INSYN2B: variants seen among roughly 807,000 people sequenced by gnomAD.
The protein encoded by INSYN2B is protein INSYN2B.
Under a neutral mutation model 41.2 loss-of-function variants are expected in INSYN2B, and 16 were observed. The ratio of observed to expected loss-of-function variants is 0.39; its 90% confidence interval spans 0.26 to 0.59. INSYN2B has a LOEUF of 0.59. Among genes scored for constraint, INSYN2B ranks in the 20% least tolerant of loss-of-function variants. The pLI is 0.57. For synonymous variants in INSYN2B, 245 were observed against 244.4 expected, an observed-to-expected ratio of 1.00 and a Z score of -0.02; for missense variants, 608 against 646.4, an observed-to-expected ratio of 0.94 and a Z score of 0.64.
At position 169,945,271 on chromosome 5, in the gene INSYN2B, A is replaced by G. The variant is rs375159074; in HGVS notation, c.-919+35006T>C. On this transcript the variant is annotated intron_variant, in intron 1 of 3. Transcript: ENST00000377365. The stretch of plus-strand genomic sequence containing the variant: ...ATTCATACAACGGGTCAATAATACC[A>G]TACTAACGCCTTAGCAGGCATATAC... Among the ~76,000 whole-genome samples, 280 of 152,388 alleles carry G rather than the reference A, an allele frequency of 1.8e-3. 6 individuals carry two copies. The South Asian group carries it at 0.048, about 26-fold the overall frequency.
At chr5:169,958,527 C>T (rs549956896) in intron 1 of INSYN2B, among the ~76,000 whole-genome samples, 36 of 151,990 alleles carry the variant, frequency 2.4e-4, no homozygotes, top group Non-Finnish European at 3.2e-4. Flanking sequence ...AGCCCAGCCC[C>T]CTTTCCGTCT....
chr5:169,937,201 T>C (rs987868124), intron 1 of INSYN2B, among the ~76,000 whole-genome samples: 3 of 152,182 alleles, frequency 2.0e-5, no homozygotes, highest in African/African-American at 7.2e-5. Flanking sequence ...CCATCAAAAA[T>C]TTGAGGAGTT....
chr5:169,971,233 A>G (rs1777495251), intron 1 of INSYN2B, among the ~76,000 whole-genome samples: 1 of 152,094 alleles, frequency 6.6e-6, no homozygotes, highest in South Asian at 2.1e-4. Flanking sequence ...TTGCAAACCA[A>G]TGAATCAATG....
At chr5:169,918,807 G>A (rs1775019291) in intron 1 of INSYN2B, among the ~76,000 whole-genome samples, 1 of 152,154 alleles carries the variant, frequency 6.6e-6, no homozygotes, top group Admixed American at 6.5e-5. Context: ...CAGCTACTCG[G>A]GAGGCTGAGG....
intron 1 of INSYN2B, among the ~76,000 whole-genome samples, chr5:169,970,955 C>G (rs1310346169): frequency 1.3e-5 from 2 of 151,866 alleles, no homozygotes; most frequent in East Asian, 1.9e-4. Context: ...GTTTTGCAGT[C>G]AGGGAGCCAT....
intron 1 of INSYN2B, among the ~76,000 whole-genome samples, chr5:169,914,355 C>T (rs1288871224): frequency 6.6e-6 from 1 of 152,160 alleles, no homozygotes; most frequent in African/African-American, 2.4e-5. Flanking sequence ...CTCACTGATT[C>T]CTTCATTCAG....
intron 1 of INSYN2B, among the ~76,000 whole-genome samples, chr5:169,934,338 A>T (rs1775889201): frequency 6.6e-6 from 1 of 152,162 alleles, no homozygotes; most frequent in Non-Finnish European, 1.5e-5. Context: ...GTACTTTGGT[A>T]GTTGTCCCCG....
chr5:169,970,506 A>C (rs1777464193), intron 1 of INSYN2B, among the ~76,000 whole-genome samples: 2 of 152,210 alleles, frequency 1.3e-5, no homozygotes, highest in Admixed American at 1.3e-4. Context: ...AGTCAACTCA[A>C]CACTGTGATC....
At chr5:169,919,411 C>T (rs1002946608) in intron 1 of INSYN2B, among the ~76,000 whole-genome samples, 3 of 152,186 alleles carry the variant, frequency 2.0e-5, no homozygotes, top group Admixed American at 6.5e-5. Flanking sequence ...TCACACTCAT[C>T]AAATTTTACT....
chr5:169,877,723 A>T (rs1372437462), intron 3 of INSYN2B, among the ~76,000 whole-genome samples: 3 of 152,228 alleles, frequency 2.0e-5, no homozygotes, highest in Non-Finnish European at 4.4e-5. Context: ...TGCCACAGAA[A>T]TAAAGTCCAT....
At chr5:169,873,302 AC>A (rs1772103598) in intron 3 of INSYN2B, among the ~76,000 whole-genome samples, 1 of 152,208 alleles carries the variant, frequency 6.6e-6, no homozygotes, top group Non-Finnish European at 1.5e-5. Flanking sequence ...GAGAAATTTT[AC>A]CTTTTACATT....
chr5:169,923,333 A>C (rs1775275643), intron 1 of INSYN2B, among the ~76,000 whole-genome samples: 1 of 152,164 alleles, frequency 6.6e-6, no homozygotes, highest in Non-Finnish European at 1.5e-5. Context: ...AATTTCCTAC[A>C]ATATTTATGT....
chr5:169,952,730 C>G (rs1776709969), intron 1 of INSYN2B, among the ~76,000 whole-genome samples: 1 of 152,168 alleles, frequency 6.6e-6, no homozygotes, highest in Non-Finnish European at 1.5e-5. Flanking sequence ...GGAGACATCT[C>G]AGGTAGGGGT....
At chr5:169,961,162 G>T (rs774454121) in intron 1 of INSYN2B, among the ~76,000 whole-genome samples, 11 of 152,178 alleles carry the variant, frequency 7.2e-5, no homozygotes, top group Non-Finnish European at 1.5e-4. Context: ...TCCTACAATT[G>T]TCATTGGCCA....
At position 169,863,874 on chromosome 5, in the gene INSYN2B, C is replaced by T. The variant is rs72842503; in HGVS notation, c.*399G>A. Among the ~76,000 whole-genome samples the T allele has an allele frequency of 0.012, 1,893 of 152,250 alleles. 19 individuals carry two copies. The highest frequency in any genetic ancestry group is 0.019 in the Non-Finnish European group (1,281 of 68,020). On this transcript the variant is annotated 3_prime_UTR_variant, in exon 4 of 4. Transcript: ENST00000377365. ...AACCTCCCTCTACCTTCCGGGTCTG[C>T]ACAACACTATTTTTTTCTTTTGGGT...
chr5:169,903,425 T>C (rs1353323808), intron 1 of INSYN2B, among the ~76,000 whole-genome samples: 3 of 148,616 alleles, frequency 2.0e-5, no homozygotes, highest in Non-Finnish European at 4.4e-5. Flanking sequence ...ATCCCTGATA[T>C]GTTTCTGTGG....
chr5:169,882,994 A>G lies in INSYN2B; in HGVS notation c.905T>C (p.Val302Ala). The G allele has an allele frequency of 6.4e-7, 1 of 1,551,636 alleles. No homozygotes were observed. Among genetic ancestry groups the G allele is most frequent in the Non-Finnish European group, 8.7e-7 (1 of 1,146,930 alleles). ...ACTGTGAGTCCGTGGAGATGAAGGA[A>G]CACACGTTTCCTTTGACTGAGATGA... ...SLSSQSKETC[V>A]PSSPRTHSSP... is the part of the protein sequence containing the mutation. The change falls in exon 2 of 4, where the codon GTT becomes GCT. Residue 302 changes from valine (V) to alanine (A), a missense_variant. Physicochemically the swap from Val to Ala is moderately conservative, Grantham distance 64 (BLOSUM62 0). Transcript: ENST00000377365.
At chr5:169,894,859 T>C (rs1383576432) in intron 1 of INSYN2B, among the ~76,000 whole-genome samples, 1 of 152,074 alleles carries the variant, frequency 6.6e-6, no homozygotes, top group Non-Finnish European at 1.5e-5. Flanking sequence ...AAATCTCAAG[T>C]AACATTAAAA....
chr5:169,935,327 G>T (rs960747469), intron 1 of INSYN2B, among the ~76,000 whole-genome samples: 5 of 152,218 alleles, frequency 3.3e-5, no homozygotes, highest in Admixed American at 3.3e-4. Context: ...CCATGCCTGT[G>T]TAGGGAAACT....
Sources: gnomAD v4.1 joint callset for allele counts (sites outside exome capture counted in the v4.1 genomes callset) on GRCh38, gnomAD v4.1.1 for gene constraint, MANE v1.5 for transcripts, NCBI Gene and HGNC (gene_info 2026-07-23, HGNC 2026-07-21) for gene names.